The following PTPN18 variants were observed in gnomAD, a reference collection of about 807,000 sequenced individuals.
PTPN18 encodes tyrosine-protein phosphatase non-receptor type 18.
A neutral mutation model predicts 65.4 loss-of-function variants in PTPN18; 65 were observed. That is an observed-to-expected ratio of 0.99 (90% CI 0.81 to 1.22). The LOEUF (loss-of-function observed/expected upper bound fraction) is 1.22, where lower values mean the gene tolerates loss of function less well. Among genes scored for constraint, PTPN18 ranks in the 50% most tolerant of loss-of-function variants. The pLI, the probability that PTPN18 is intolerant of heterozygous loss-of-function variation, is 0.00. For synonymous variants in PTPN18, 255 were observed against 267.8 expected (o/e 0.95, Z 0.47); for missense variants, 616 against 646.5 (o/e 0.95, Z 0.51).
chr2:130,356,265 C>T, intron 1 of PTPN18, 65 bp downstream of exon 1: 1 of 1,165,624 alleles, frequency 8.6e-7, no homozygotes, highest in Non-Finnish European at 1.1e-6. Flanking sequence ...GCCTGTCCTC[C>T]GCGCACGGCG....
chr2:130,371,218 A>G lies in PTPN18; in HGVS notation c.944A>G (p.Asp315Gly). Residue 315 changes from aspartate to glycine, a missense_variant, in exon 12 of 15, where the codon GAC (aspartate) becomes GGC (glycine). Physicochemically the swap from Asp to Gly is moderately conservative, Grantham distance 94. This residue lies in a region of PTPN18 where 368 missense variants were observed against 386.7 expected (regional missense o/e 0.95). Coordinates refer to ENST00000175756, the MANE Select transcript of PTPN18 (RefSeq NM_014369.4). ...NIKENCAPLY[D>G]DALFLRTPQA... ...CTTCAGAATTGTGCCCCACTCTACGACGATGCCCTCTTCCTCCGGACTCCC... is the reference window on the plus strand; with the variant it reads ...CTTCAGAATTGTGCCCCACTCTACGGCGATGCCCTCTTCCTCCGGACTCCC... 6.2e-7 allele frequency: 1 copy of G among 1,610,296 alleles called. No individual in the cohort carries two copies. The highest frequency in any genetic ancestry group is 1.1e-5 in the South Asian group (1 of 90,996).
intron 5 of PTPN18, among the ~76,000 whole-genome samples, chr2:130,361,510 T>TTC (rs1297406815): frequency 7.4e-6 from 1 of 135,944 alleles, no homozygotes; most frequent in African/African-American, 2.9e-5. Context: ...TTTCTTTTCT[T>TTC]TCTCTTTCTT....
chr2:130,369,734 T>C (rs1293537771), intron 6 of PTPN18, 31 bp from the exon 7 acceptor site: 2 of 1,532,214 alleles, frequency 1.3e-6, no homozygotes, highest in Non-Finnish European at 1.8e-6. Flanking sequence ...TTCTCCTCCC[T>C]CTTCTTACTT....
intron 1 of PTPN18, chr2:130,356,756 C>T (rs1228520655): frequency 5.0e-6 from 2 of 400,996 alleles, no homozygotes; most frequent in East Asian, 7.6e-5. Context: ...GTCTACCTGG[C>T]CCCTCTGACC....
rs760993340 is a variant in PTPN18, at chr2:130,372,339, G to A, written c.1096G>A (p.Ala366Thr). The A allele has an allele frequency of 1.9e-5, 27 of 1,414,540 alleles. No individual in the cohort carries two copies. Among genetic ancestry groups the A allele is most frequent in the Non-Finnish European group, 2.0e-5 (22 of 1,093,432 alleles). 87.6% of individuals were successfully genotyped at this position (1,414,540 alleles called of 1,614,324 possible). ...VVQKRGAPAGAGSGTQTGTGT... is the reference protein window; with the variant it reads ...VVQKRGAPAGTGSGTQTGTGT... ...GCAGAAGCGCGGGGCTCCAGCGGGCGCCGGGAGTGGGACGCAGACGGGGAC... is the reference window on the plus strand; with the variant it reads ...GCAGAAGCGCGGGGCTCCAGCGGGCACCGGGAGTGGGACGCAGACGGGGAC... The change falls in exon 13 of 15, where the codon GCC becomes ACC. Residue 366 changes from alanine to threonine, a missense_variant. Coordinates refer to ENST00000175756, the MANE Select transcript of PTPN18 (RefSeq NM_014369.4).
chr2:130,359,627 G>C lies in PTPN18; in HGVS notation c.395G>C (p.Arg132Pro), dbSNP rs1408273984. The C allele has an allele frequency of 3.1e-6, 5 of 1,613,958 alleles. No individual in the cohort carries two copies. The highest frequency in any genetic ancestry group is 1.3e-5 in the African/African-American group (1 of 74,878). Residue 132 changes from arginine (R) to proline (P), a missense_variant, in exon 5 of 15, where the codon CGA becomes CCA. This residue lies in a region of PTPN18 where 223 missense variants were observed against 210.0 expected (regional missense o/e 1.06). Transcript: ENST00000175756. ...FGVKVILMAC[R>P]EIENGRKRCE... ...GTCTAGGTGATCCTGATGGCCTGTC[G>C]AGAGATAGAGAATGGGCGGGTAGGT...
chr2:130,356,655 G>A (rs1558839036), intron 1 of PTPN18: 1 of 467,174 alleles, frequency 2.1e-6, no homozygotes, highest in Non-Finnish European at 4.5e-6. Flanking sequence ...GCGTGGTGAG[G>A]GTGTGAACGC....
In PTPN18 at chr2:130,361,567, C is replaced by T. The variant is rs186758149; in HGVS notation, c.414+1921C>T. On this transcript the variant is annotated intron_variant, in intron 5 of 14. Coordinates refer to ENST00000175756, the MANE Select transcript of PTPN18 (RefSeq NM_014369.4). ...CTTTCTTTCTTTCTTTCTTTCTTTC[C>T]TTTCTTTCCTTTCTTTCCTTTCTTT... 2.4e-4 allele frequency among the ~76,000 whole-genome samples: 21 copies of T among 87,018 alleles called. No individual in the cohort carries two copies. The East Asian group carries it at 7.8e-3, about 32-fold the overall frequency. The allele number at this position is 87,018 out of a possible 152,430, so 57.1% of individuals were successfully genotyped here. A position where few individuals can be genotyped will look rare whatever the true frequency, so the allele number is the denominator to read the frequency against.
intron 5 of PTPN18, among the ~76,000 whole-genome samples, chr2:130,365,793 C>G (rs1680363570): frequency 6.6e-6 from 1 of 152,194 alleles, no homozygotes; most frequent in Non-Finnish European, 1.5e-5. Context: ...TGTGACTATC[C>G]AGTTGTTCCA....
chr2:130,359,092 C>G, intron 2 of PTPN18, 117 bp downstream of exon 2: 1 of 1,454,468 alleles, frequency 6.9e-7, no homozygotes, highest in Non-Finnish European at 9.5e-7. Context: ...ACCCTCTGCA[C>G]TGCTCAGCAG....
intron 5 of PTPN18, chr2:130,362,118 A>G (rs1164603478): frequency 8.5e-6 from 4 of 470,314 alleles, no homozygotes; most frequent in Non-Finnish European, 1.8e-5. Flanking sequence ...ACAGGCATAC[A>G]CCACCGTGCC....
rs376466421 is a variant in PTPN18, at chr2:130,370,186, T to G, written c.685T>G (p.Cys229Gly). ...TGGCCCTGAACCCCTCTGTGTCCACTGCAGGTTTTGGAAATGGGCTTCAGG... is the reference window on the plus strand; with the variant it reads ...TGGCCCTGAACCCCTCTGTGTCCACGGCAGGTTTTGGAAATGGGCTTCAGG... ...GSGPEPLCVH[C>G]SAGCGRTGVL... The change falls in exon 8 of 15, where the codon TGC (cysteine) becomes GGC (glycine). Residue 229 changes from cysteine (C) to glycine (G), a missense_variant. Cys to Gly is a radical substitution (Grantham distance 159, BLOSUM62 -3). Around this residue, in one of 3 missense-constraint regions of PTPN18, gnomAD observed 368 missense variants for 386.7 expected, o/e 0.95. Coordinates refer to ENST00000175756, the MANE Select transcript of PTPN18 (RefSeq NM_014369.4). The G allele has an allele frequency of 3.1e-6, 5 of 1,610,890 alleles. No individual in the cohort carries two copies. In the African/African-American group the frequency reaches 6.7e-5, roughly 22 times the overall value.
At chr2:130,359,546 C>G in intron 4 of PTPN18, 54 bp downstream of exon 4, 5 of 1,612,304 alleles carry the variant, frequency 3.1e-6, no homozygotes, top group Middle Eastern at 1.7e-4. Flanking sequence ...AGTACCCCCT[C>G]GGCAGTTTCC....
chr2:130,360,689 G>A (rs969753342), intron 5 of PTPN18, among the ~76,000 whole-genome samples: 1 of 152,168 alleles, frequency 6.6e-6, no homozygotes, highest in Non-Finnish European at 1.5e-5. Context: ...TATATGGCCT[G>A]TAAATTCTAA....
rs1680678216 is a variant in PTPN18 at position 130,374,501 on chromosome 2, G to T, written c.*1277G>T. 2.5e-6 allele frequency: 1 copy of T among 392,470 alleles called. No homozygotes were observed. Among genetic ancestry groups the T allele is most frequent in the Non-Finnish European group, 5.2e-6 (1 of 190,828 alleles). The allele number at this position is 392,470 out of a possible 1,614,324, so 24.3% of individuals were successfully genotyped here. On this transcript the variant is annotated 3_prime_UTR_variant, in exon 15 of 15. Coordinates refer to ENST00000175756, the MANE Select transcript of PTPN18 (RefSeq NM_014369.4). ...TTTGAAACACTTTAAATGGCCCATGGTAGGGTTCCTGCTAGGATAAAACAT... is the reference window on the plus strand; with the variant it reads ...TTTGAAACACTTTAAATGGCCCATGTTAGGGTTCCTGCTAGGATAAAACAT...
At position 130,358,954 on chromosome 2, in the gene PTPN18, C is replaced by T. The variant is rs371761195; in HGVS notation, c.181C>T (p.Arg61Cys). ...TCGGCCAGAGAACGTGAGGAAGAAC[C>T]GCTACAAAGACGTGCTGCCTTGTAA... Reference protein sequence around the residue: ...GSRPENVRKNRYKDVLPYDQT... With the variant: ...GSRPENVRKNCYKDVLPYDQT... Residue 61 changes from arginine (R) to cysteine (C), a missense_variant, in exon 2 of 15, where the codon CGC becomes TGC. Transcript: ENST00000175756. 2.6e-5 allele frequency: 42 copies of T among 1,614,054 alleles called. No individual in the cohort carries two copies. Among genetic ancestry groups the T allele is most frequent in the East Asian group, 4.5e-5 (2 of 44,902 alleles).
chr2:130,368,735 C>G (rs930766125), intron 5 of PTPN18, among the ~76,000 whole-genome samples: 2 of 152,220 alleles, frequency 1.3e-5, no homozygotes, highest in Admixed American at 1.3e-4. Context: ...GAGCCATGGT[C>G]TCTGGCTCAA....
chr2:130,370,045 C>T lies in PTPN18; in HGVS notation c.547-3C>T, dbSNP rs779460134. 31 of 1,612,572 alleles carry T rather than the reference C, an allele frequency of 1.9e-5. No individual in the cohort carries two copies. In the East Asian group the frequency reaches 6.7e-4, roughly 35 times the overall value. On this transcript the variant is annotated splice_polypyrimidine_tract_variant and splice_region_variant and intron_variant, in intron 7 of 14. Coordinates refer to ENST00000175756, the MANE Select transcript of PTPN18 (RefSeq NM_014369.4). ...CTTTTGCTCATCTTTTTCTGTGTTT[C>T]AGGAGTCCCGTTCTGTGTACCAGCT...
At chr2:130,360,507 T>TTC (rs147272525) in intron 5 of PTPN18, among the ~76,000 whole-genome samples, 7 of 151,230 alleles carry the variant, frequency 4.6e-5, no homozygotes, top group East Asian at 3.9e-4. Context: ...GTAATTTGTG[T>TTC]TCTCTCTCTC....
Sources: allele counts gnomAD v4.1 joint callset (sites outside exome capture counted in the v4.1 genomes callset), GRCh38; gene constraint gnomAD v4.1.1; regional missense constraint gnomAD v4.1.1; transcripts MANE v1.5; gene names NCBI Gene and HGNC (gene_info 2026-07-23, HGNC 2026-07-21).